Variants in EXOC6B observed in about 807,000 individuals in gnomAD.
EXOC6B encodes SEC15 homolog B.
A neutral mutation model predicts 113.5 loss-of-function variants in EXOC6B; 54 were observed. That is an observed-to-expected ratio of 0.48 (90% CI 0.38 to 0.60). The LOEUF is 0.60. EXOC6B is among the 20% of genes least tolerant of loss of function. The pLI is 0.00. For synonymous variants in EXOC6B, 357 were observed against 339.0 expected (o/e 1.05, Z -0.58); for missense variants, 797 against 977.5 (o/e 0.82, Z 2.46).
intron 1 of EXOC6B, among the ~76,000 whole-genome samples, chr2:72,770,583 C>T (rs1330047546): frequency 1.3e-5 from 2 of 152,160 alleles, no homozygotes; most frequent in Admixed American, 6.5e-5. Flanking sequence ...ATCAGGTTTT[C>T]TTGCCAAATG....
intron 11 of EXOC6B, among the ~76,000 whole-genome samples, chr2:72,506,382 T>C (rs559035699): frequency 6.6e-6 from 1 of 152,198 alleles, no homozygotes; most frequent in Non-Finnish European, 1.5e-5. Flanking sequence ...TCCAGCTTAA[T>C]GGGGGAAGGG....
At chr2:72,258,315 G>GAAT (rs1683478196) in intron 20 of EXOC6B, among the ~76,000 whole-genome samples, 1 of 151,148 alleles carries the variant, frequency 6.6e-6, no homozygotes, top group African/African-American at 2.4e-5. Context: ...GCTCAACATG[G>GAAT]AATAGATGCT....
At chr2:72,432,140 G>A (rs190146002) in intron 18 of EXOC6B, among the ~76,000 whole-genome samples, 5 of 151,628 alleles carry the variant, frequency 3.3e-5, no homozygotes, top group African/African-American at 4.9e-5. Context: ...AGGTTCAAGC[G>A]ATTCCCCTGC....
At chr2:72,681,342 C>T (rs1369812590) in intron 6 of EXOC6B, among the ~76,000 whole-genome samples, 1 of 152,084 alleles carries the variant, frequency 6.6e-6, no homozygotes, top group Non-Finnish European at 1.5e-5. Flanking sequence ...GTGAGCACAC[C>T]AAAACTCTAT....
At chr2:72,580,135 ATTTTTTT>A (rs1205164863) in intron 6 of EXOC6B, among the ~76,000 whole-genome samples, 1 of 93,764 alleles carries the variant, frequency 1.1e-5, no homozygotes, top group East Asian at 2.9e-4. Flanking sequence ...AGAAATAAGA[ATTTTTTT>A]TTTTTTTTTT....
At chr2:72,398,161 T>C (rs1424319181) in intron 18 of EXOC6B, among the ~76,000 whole-genome samples, 1 of 152,212 alleles carries the variant, frequency 6.6e-6, no homozygotes, top group African/African-American at 2.4e-5. Flanking sequence ...ACTGAATGCC[T>C]GACTACAACA....
chr2:72,493,755 C>T lies in EXOC6B; in HGVS notation c.1554-1326G>A, dbSNP rs939185526. On this transcript the variant is annotated intron_variant, in intron 15 of 21. Transcript: ENST00000272427. ...AAGTTTTACGTATTCAGAATTCATG[C>T]AATTACAAATTTTGTCAATATGTAT... is the stretch of plus-strand genomic sequence containing the variant. Among the ~76,000 whole-genome samples the T allele has an allele frequency of 8.5e-4, 129 of 152,106 alleles. 1 individual carries two copies. The highest frequency in any genetic ancestry group is 3.1e-3 in the African/African-American group (129 of 41,526).
chr2:72,267,914 C>T (rs1218103809), intron 20 of EXOC6B, among the ~76,000 whole-genome samples: 1 of 152,092 alleles, frequency 6.6e-6, no homozygotes, highest in Admixed American at 6.6e-5. Context: ...AGGTATACTT[C>T]TAGGTAAAAC....
intron 8 of EXOC6B, among the ~76,000 whole-genome samples, chr2:72,530,381 G>A (rs1052620114): frequency 6.6e-6 from 1 of 152,082 alleles, no homozygotes; most frequent in Admixed American, 6.5e-5. Flanking sequence ...ATATGTAAGT[G>A]TATTATCTAG....
At chr2:72,652,011 T>C (rs1674202236) in intron 6 of EXOC6B, among the ~76,000 whole-genome samples, 1 of 152,178 alleles carries the variant, frequency 6.6e-6, no homozygotes, top group Non-Finnish European at 1.5e-5. Context: ...TTAAATGCCT[T>C]CTAAAATTCT....
chr2:72,707,419 C>CT (rs1299173430), intron 6 of EXOC6B, among the ~76,000 whole-genome samples: 7,973 of 143,376 alleles, frequency 0.056, 679 homozygotes, highest in African/African-American at 0.19. Context: ...TTTTTCTTTT[C>CT]TTTTTTTTTT....
chr2:72,299,052 C>T (rs1686334894), intron 20 of EXOC6B, among the ~76,000 whole-genome samples: 2 of 151,984 alleles, frequency 1.3e-5, no homozygotes, highest in African/African-American at 4.8e-5. Flanking sequence ...TTGGGGAAGT[C>T]CTCCTGGATA....
intron 20 of EXOC6B, among the ~76,000 whole-genome samples, chr2:72,306,761 CA>C (rs1339600451): frequency 6.6e-6 from 1 of 152,146 alleles, no homozygotes; most frequent in African/African-American, 2.4e-5. Context: ...TCTACACTTC[CA>C]AAAATCTTGT....
intron 6 of EXOC6B, among the ~76,000 whole-genome samples, chr2:72,582,171 A>G (rs1170231790): frequency 6.6e-6 from 1 of 152,080 alleles, no homozygotes; most frequent in Non-Finnish European, 1.5e-5. Flanking sequence ...GGAAATATAT[A>G]TATATGGGCA....
chr2:72,599,429 C>A (rs1371585057), intron 6 of EXOC6B, among the ~76,000 whole-genome samples: 3 of 152,052 alleles, frequency 2.0e-5, no homozygotes, highest in African/African-American at 7.2e-5. Context: ...CCATAAAAAA[C>A]CTATATCACA....
intron 20 of EXOC6B, among the ~76,000 whole-genome samples, chr2:72,306,224 G>A (rs933210913): frequency 2.0e-5 from 3 of 152,114 alleles, no homozygotes; most frequent in South Asian, 2.1e-4. Flanking sequence ...AAATGAAAAT[G>A]TATACCGTTA....
At chr2:72,211,752 G>A (rs1459024305) in intron 20 of EXOC6B, among the ~76,000 whole-genome samples, 1 of 152,170 alleles carries the variant, frequency 6.6e-6, no homozygotes, top group Admixed American at 6.5e-5. Flanking sequence ...TGAAACCAAT[G>A]TGATTTTAGA....
At chr2:72,487,183 G>A (rs1003149075) in intron 16 of EXOC6B, among the ~76,000 whole-genome samples, 4 of 152,046 alleles carry the variant, frequency 2.6e-5, no homozygotes, top group African/African-American at 9.7e-5. Context: ...CTAATTGAAC[G>A]CCATACTTTA....
chr2:72,574,657 T>C (rs1211868113), intron 7 of EXOC6B, among the ~76,000 whole-genome samples: 1 of 152,166 alleles, frequency 6.6e-6, no homozygotes, highest in Non-Finnish European at 1.5e-5. Flanking sequence ...GTGGCCATTT[T>C]AAAAGTAAAT....
Sources: allele counts gnomAD v4.1 joint callset (sites outside exome capture counted in the v4.1 genomes callset), GRCh38; gene constraint gnomAD v4.1.1; transcripts MANE v1.5; gene names NCBI Gene and HGNC (gene_info 2026-07-23, HGNC 2026-07-21).